Variants in EPM2A observed in about 807,000 individuals in gnomAD.
The protein encoded by EPM2A is EPM2A glucan phosphatase, laforin.
EPM2A carries 21 observed loss-of-function variants against 26.5 expected under a neutral mutation model. That is an observed-to-expected ratio of 0.79 (90% CI 0.56 to 1.14). The LOEUF is 1.14. Among genes scored for constraint, EPM2A ranks in the 50% most tolerant of loss-of-function variants. The pLI, the probability that EPM2A is intolerant of heterozygous loss-of-function variation, is 0.00. For missense variants in EPM2A, 458 were observed against 440.8 expected, an observed-to-expected ratio of 1.04 and a Z score of -0.35; for synonymous variants, 217 against 177.6, an observed-to-expected ratio of 1.22 and a Z score of -1.76.
At chr6:145,711,497 G>C (rs1321638785) in intron 1 of EPM2A, among the ~76,000 whole-genome samples, 2 of 152,146 alleles carry the variant, frequency 1.3e-5, no homozygotes, top group Non-Finnish European at 2.9e-5. Flanking sequence ...TTGTAGACAA[G>C]AGGATATACA....
rs182304299 is a variant in EPM2A, at chr6:145,472,315, G to A, written c.555+30207C>T. On this transcript the variant is annotated intron_variant, in intron 4 of 4. Coordinates refer to the EPM2A transcript ENST00000638717. ...GAGCCCCTGAGACTTGCTGGCTTCA[G>A]GTGAGACTCAGCAAATAATCAGCTG... is the stretch of plus-strand genomic sequence containing the variant. Among the ~76,000 whole-genome samples the A allele has an allele frequency of 8.6e-4, 130 of 151,938 alleles. 1 individual carries two copies. The highest frequency in any genetic ancestry group is 3.0e-3 in the African/African-American group (126 of 41,470).
intron 4 of EPM2A, among the ~76,000 whole-genome samples, chr6:145,419,143 T>C (rs889352063): frequency 7.3e-5 from 11 of 149,778 alleles, no homozygotes; most frequent in African/African-American, 2.7e-4. Flanking sequence ...TTTTTAAAAC[T>C]ATAAACACCC....
intron 2 of EPM2A, among the ~76,000 whole-genome samples, chr6:145,523,101 G>GT (rs1317952984): frequency 6.6e-6 from 1 of 152,126 alleles, no homozygotes; most frequent in Non-Finnish European, 1.5e-5. Context: ...GAATTTGCGT[G>GT]TTTTCTCTCT....
intron 2 of EPM2A, among the ~76,000 whole-genome samples, chr6:145,586,910 T>C (rs1324656937): frequency 6.6e-6 from 1 of 152,208 alleles, no homozygotes; most frequent in Non-Finnish European, 1.5e-5. Flanking sequence ...TGATGATCAA[T>C]TCTTATTCCT....
chr6:145,453,319 GA>G (rs1349032352), intron 4 of EPM2A, among the ~76,000 whole-genome samples: 1 of 152,020 alleles, frequency 6.6e-6, no homozygotes, highest in African/African-American at 2.4e-5. Flanking sequence ...GAGGTGGGGG[GA>G]AAAAAGATTC....
chr6:145,693,794 GT>G (rs1026372931), intron 1 of EPM2A, among the ~76,000 whole-genome samples: 4 of 151,896 alleles, frequency 2.6e-5, no homozygotes, highest in Non-Finnish European at 5.9e-5. Flanking sequence ...AAAATTATTG[GT>G]TTAATTAACA....
intron 2 of EPM2A, among the ~76,000 whole-genome samples, chr6:145,644,845 T>C (rs1010848108): frequency 2.6e-5 from 4 of 152,130 alleles, no homozygotes; most frequent in African/African-American, 9.7e-5. Context: ...TCTGTCCTCC[T>C]TAAATTACCC....
intron 2 of EPM2A, among the ~76,000 whole-genome samples, chr6:145,565,272 C>T (rs992527385): frequency 2.6e-5 from 4 of 152,068 alleles, no homozygotes; most frequent in African/African-American, 4.8e-5. Context: ...TGACACAGTC[C>T]CCTCACATGG....
chr6:145,657,032 A>G (rs1042802834), intron 2 of EPM2A, among the ~76,000 whole-genome samples: 1 of 152,102 alleles, frequency 6.6e-6, no homozygotes, highest in Non-Finnish European at 1.5e-5. Context: ...AGAATCAACA[A>G]TGAAATTTGA....
intron 2 of EPM2A, among the ~76,000 whole-genome samples, chr6:145,541,271 G>A (rs973509266): frequency 2.0e-5 from 3 of 149,784 alleles, no homozygotes; most frequent in African/African-American, 7.4e-5. Flanking sequence ...TTATATATGT[G>A]TGTGTATATA....
intron 1 of EPM2A, among the ~76,000 whole-genome samples, chr6:145,730,719 A>T (rs949606050): frequency 6.6e-6 from 1 of 152,186 alleles, no homozygotes; most frequent in Non-Finnish European, 1.5e-5. Context: ...TGTTACTTGC[A>T]ATTAAAGAGT....
chr6:145,548,463 A>T lies in EPM2A; in HGVS notation c.341-45888T>A, dbSNP rs566801340. Among the ~76,000 whole-genome samples, 32 of 152,190 alleles carry T rather than the reference A, an allele frequency of 2.1e-4. No homozygotes were observed. In the South Asian group the frequency reaches 5.6e-3, roughly 27 times the overall value. Reference sequence around the variant, plus strand: ...TCCATCACGGTCCTACCTATGGCAAACTCGGGCATGACAAGGTCCTTGGGA... The same window carrying T: ...TCCATCACGGTCCTACCTATGGCAATCTCGGGCATGACAAGGTCCTTGGGA... On this transcript the variant is annotated intron_variant, in intron 2 of 3. Coordinates refer to the EPM2A transcript ENST00000450221.
At chr6:145,464,255 T>C (rs1033368181) in intron 4 of EPM2A, among the ~76,000 whole-genome samples, 3 of 152,154 alleles carry the variant, frequency 2.0e-5, no homozygotes, top group Non-Finnish European at 2.9e-5. Flanking sequence ...ATGTAAGACA[T>C]GCCTGCTTCC....
intron 2 of EPM2A, among the ~76,000 whole-genome samples, chr6:145,566,943 T>C (rs1562385060): frequency 6.6e-6 from 1 of 152,192 alleles, no homozygotes; most frequent in Non-Finnish European, 1.5e-5. Flanking sequence ...GTATTTTCTT[T>C]CTTAGAAATC....
At chr6:145,462,713 C>T (rs1285879320) in intron 4 of EPM2A, among the ~76,000 whole-genome samples, 1 of 152,150 alleles carries the variant, frequency 6.6e-6, no homozygotes, top group African/African-American at 2.4e-5. Flanking sequence ...TTACTTGCCA[C>T]AAGCATGTAC....
intron 1 of EPM2A, among the ~76,000 whole-genome samples, chr6:145,734,163 A>G (rs1338702623): frequency 6.6e-6 from 1 of 152,224 alleles, no homozygotes; most frequent in Non-Finnish European, 1.5e-5. Flanking sequence ...CAATTAAGCC[A>G]CTACTGTTTA....
Position 145,626,198 on chromosome 6 carries a change from G to C in EPM2A, c.*1218C>G. 3 of 995,766 alleles carry C rather than the reference G, an allele frequency of 3.0e-6. No homozygotes were observed. The highest frequency in any genetic ancestry group is 3.6e-6 in the Non-Finnish European group (3 of 836,032). 61.7% of individuals were successfully genotyped at this position (995,766 alleles called of 1,614,324 possible). A position where few individuals can be genotyped will look rare whatever the true frequency, so the allele number is the denominator to read the frequency against. The stretch of plus-strand genomic sequence containing the variant: ...CCTGCATTACAGTTGGTTGAATGCA[G>C]GTCTGTTTCTAGGCAGCACATTTTT... On this transcript the variant is annotated 3_prime_UTR_variant, in exon 4 of 4. Coordinates refer to ENST00000367519, the MANE Select transcript of EPM2A (RefSeq NM_005670.4).
At chr6:145,642,025 TC>T (rs1362153403) in intron 2 of EPM2A, among the ~76,000 whole-genome samples, 1 of 152,102 alleles carries the variant, frequency 6.6e-6, no homozygotes. Flanking sequence ...AGTTTGGCCT[TC>T]TTGTTTTTGA....
chr6:145,733,149 C>T (rs1006371447), intron 1 of EPM2A, among the ~76,000 whole-genome samples: 6 of 151,988 alleles, frequency 3.9e-5, no homozygotes, highest in African/African-American at 1.2e-4. Flanking sequence ...TCATAATAAA[C>T]CAAAGTGAGA....
Sources: gnomAD v4.1 joint callset for allele counts (sites outside exome capture counted in the v4.1 genomes callset) on GRCh38, gnomAD v4.1.1 for gene constraint, MANE v1.5 for transcripts, NCBI Gene and HGNC (gene_info 2026-07-23, HGNC 2026-07-21) for gene names.